Variants in ACMSD observed in about 807,000 individuals in gnomAD.
The protein encoded by ACMSD is 2-amino-3-carboxymuconate-6-semialdehyde decarboxylase.
ACMSD carries 37 observed loss-of-function variants against 45.9 expected under a neutral mutation model. The ratio of observed to expected loss-of-function variants is 0.81; its 90% CI spans 0.62 to 1.06. ACMSD has a LOEUF of 1.06. Among genes scored for constraint, ACMSD ranks in the 50% least tolerant of loss-of-function variants. The pLI is 0.00. For synonymous variants in ACMSD, 138 were observed against 148.8 expected, an observed-to-expected ratio of 0.93 and a Z score of 0.53; for missense variants, 434 against 420.9, an observed-to-expected ratio of 1.03 and a Z score of -0.27.
intron 6 of ACMSD, 94 bp from the exon 7 acceptor site, chr2:134,870,871 T>C: frequency 9.3e-7 from 1 of 1,073,944 alleles, no homozygotes; most frequent in Non-Finnish European, 1.4e-6. Flanking sequence ...GGCCTCAAGT[T>C]TCTTTGCACT....
chr2:134,880,219 G>C (rs1688960360), intron 8 of ACMSD, among the ~76,000 whole-genome samples: 1 of 152,006 alleles, frequency 6.6e-6, no homozygotes, highest in Admixed American at 6.6e-5. Flanking sequence ...CCTAATTTTT[G>C]AAATTTGTGT....
rs141458425 is a variant in ACMSD, at chr2:134,861,817, AG to A, written c.200-146del. The A allele has an allele frequency of 2.0e-5, 15 of 762,244 alleles. No individual in the cohort carries two copies. In the Admixed American group the frequency reaches 2.3e-4, roughly 12 times the overall value. 47.2% of individuals were successfully genotyped at this position (762,244 alleles called of 1,614,324 possible). ...CCCTAGAATCTGGGGCTGGGGGCTG[AG>A]GGGGGTCCAGGGAGAGGACTGAGAG... On this transcript the variant is annotated intron_variant, in intron 3 of 9. Coordinates refer to ENST00000356140, the MANE Select transcript of ACMSD (RefSeq NM_138326.3).
intron 8 of ACMSD, among the ~76,000 whole-genome samples, chr2:134,888,291 T>C (rs1201272677): frequency 6.6e-6 from 1 of 152,098 alleles, no homozygotes. Context: ...CATTAGTTCA[T>C]CAGAAAAATG....
At chr2:134,843,679 C>T (rs1686914691) in intron 1 of ACMSD, among the ~76,000 whole-genome samples, 1 of 152,206 alleles carries the variant, frequency 6.6e-6, no homozygotes, top group East Asian at 1.9e-4. Context: ...TTGCTTTACT[C>T]GTTGACCCAT....
Position 134,876,289 on chromosome 2 carries a change from T to A in ACMSD, c.849+3648T>A, listed in dbSNP as rs6724427. ...CAATAATAAATTAAATTTAGCTTAC[T>A]GTAACTTTTTTACTTTTTAAAATTT... On this transcript the variant is annotated intron_variant, in intron 8 of 9. Transcript: ENST00000356140. Among the ~76,000 whole-genome samples, 624 of 152,344 alleles carry A rather than the reference T, an allele frequency of 4.1e-3. 7 individuals carry two copies. The highest frequency in any genetic ancestry group is 0.014 in the African/African-American group (577 of 41,584).
At chr2:134,877,818 T>C (rs1688830266) in intron 8 of ACMSD, among the ~76,000 whole-genome samples, 1 of 152,178 alleles carries the variant, frequency 6.6e-6, no homozygotes, top group South Asian at 2.1e-4. Flanking sequence ...TTTTATTCAT[T>C]AGAAGCACGT....
chr2:134,855,194 GT>G (rs1687525058), intron 2 of ACMSD, among the ~76,000 whole-genome samples: 2 of 152,320 alleles, frequency 1.3e-5, no homozygotes, highest in East Asian at 3.9e-4. Flanking sequence ...AAAGAAATTT[GT>G]TGAAATATTT....
At position 134,867,635 on chromosome 2, in the gene ACMSD, T is replaced by A. The variant is rs748679977; in HGVS notation, c.543T>A (p.Asp181Glu). ...TGCATCCCTGGGACATGCAGATGGA[T>A]GGACGAATGGCCAAATACTGGCTCC... Reference protein sequence around the residue: ...LFVHPWDMQMDGRMAKYWLPW... With the variant: ...LFVHPWDMQMEGRMAKYWLPW... Residue 181 changes from aspartate to glutamate, a missense_variant, in exon 6 of 10, where the codon GAT becomes GAA. By Grantham distance (45) the Asp-to-Glu change is conservative. Coordinates refer to ENST00000356140, the MANE Select transcript of ACMSD (RefSeq NM_138326.3). 1.2e-6 allele frequency: 2 copies of A among 1,613,802 alleles called. No individual in the cohort carries two copies. Among genetic ancestry groups the A allele is most frequent in the African/African-American group, 1.3e-5 (1 of 75,026 alleles).
At chr2:134,855,156 G>T (rs368208402) in intron 2 of ACMSD, among the ~76,000 whole-genome samples, 32 of 152,134 alleles carry the variant, frequency 2.1e-4, no homozygotes, top group Non-Finnish European at 4.0e-4. Context: ...GCAGGCAACA[G>T]AAACCAACAA....
rs772054529 is a variant in ACMSD at position 134,872,650 on chromosome 2, A to C, written c.849+9A>C. On this transcript the variant is annotated intron_variant, in intron 8 of 9. Transcript: ENST00000356140. Reference sequence around the variant, plus strand: ...CAGATGTCATAGGAAAGGTAAGCCCAGTCTGCCACTTGGATGGCTTATGGG... The same window carrying C: ...CAGATGTCATAGGAAAGGTAAGCCCCGTCTGCCACTTGGATGGCTTATGGG... 1.9e-6 allele frequency: 3 copies of C among 1,614,032 alleles called. No individual in the cohort carries two copies. In the African/African-American group the frequency reaches 4.0e-5, roughly 22 times the overall value.
rs76719868 is a variant in ACMSD, at chr2:134,866,382, C to T, written c.487-1197C>T. On this transcript the variant is annotated intron_variant, in intron 5 of 9. Transcript: ENST00000356140. The stretch of plus-strand genomic sequence containing the variant: ...GTCAAATCCCACTGAGATACCATGA[C>T]CATGCACCTTTGCCAAACCCAAACC... 3.0e-3 allele frequency among the ~76,000 whole-genome samples: 459 copies of T among 152,252 alleles called. 1 individual carries two copies. Among genetic ancestry groups the T allele is most frequent in the African/African-American group, 0.01 (430 of 41,548 alleles).
chr2:134,867,494 G>A (rs1688157247), intron 5 of ACMSD, 85 bp from the exon 6 acceptor site: 3 of 1,037,648 alleles, frequency 2.9e-6, no homozygotes, highest in Middle Eastern at 2.1e-4. Context: ...TAGACTCAGA[G>A]AAAAGCAGTT....
chr2:134,871,186 C>G (rs1688417937), intron 7 of ACMSD, 126 bp downstream of exon 7: 5 of 853,532 alleles, frequency 5.9e-6, no homozygotes, highest in Non-Finnish European at 7.3e-6. Flanking sequence ...GATCAAGGTG[C>G]TGGCAGGGTT....
intron 9 of ACMSD, among the ~76,000 whole-genome samples, chr2:134,900,395 T>TG (rs1690429820): frequency 6.6e-6 from 1 of 152,154 alleles, no homozygotes; most frequent in African/African-American, 2.4e-5. Context: ...GGTGATCAGA[T>TG]GGACTGTCGC....
chr2:134,846,214 T>C (rs1687045850), intron 2 of ACMSD, among the ~76,000 whole-genome samples: 1 of 152,110 alleles, frequency 6.6e-6, no homozygotes, highest in African/African-American at 2.4e-5. Context: ...AGCTCAGAAT[T>C]CAAGCACTCA....
intron 8 of ACMSD, among the ~76,000 whole-genome samples, chr2:134,876,870 C>T (rs1688761921): frequency 6.6e-6 from 1 of 152,138 alleles, no homozygotes; most frequent in African/African-American, 2.4e-5. Context: ...CAGCCTCCAC[C>T]TCCTGGGTTC....
chr2:134,891,594 T>C (rs1689786775), intron 8 of ACMSD, among the ~76,000 whole-genome samples: 1 of 152,000 alleles, frequency 6.6e-6, no homozygotes, highest in South Asian at 2.1e-4. Flanking sequence ...AACATATTGG[T>C]GAGGAAATGC....
chr2:134,857,309 A>G (rs112682209), intron 2 of ACMSD, among the ~76,000 whole-genome samples: 1 of 152,158 alleles, frequency 6.6e-6, no homozygotes, highest in Non-Finnish European at 1.5e-5. Flanking sequence ...GTGGTGGCGC[A>G]TGTCTGTAAT....
intron 3 of ACMSD, 122 bp from the exon 4 acceptor site, chr2:134,861,847 C>T (rs1045758116): frequency 1.5e-5 from 15 of 1,002,078 alleles, no homozygotes; most frequent in East Asian, 1.2e-4. Context: ...CTGAGAGGGA[C>T]GCAGGGAGGG....
Sources: gnomAD v4.1 joint callset for allele counts (sites outside exome capture counted in the v4.1 genomes callset) on GRCh38, gnomAD v4.1.1 for gene constraint, MANE v1.5 for transcripts, NCBI Gene and HGNC (gene_info 2026-07-23, HGNC 2026-07-21) for gene names.